Variants in NELL1 observed in about 807,000 individuals in gnomAD.
NELL1 encodes neural EGFL like 1, also known as protein kinase C-binding protein NELL1.
Under a neutral mutation model 107.4 loss-of-function variants are expected in NELL1, and 76 were observed. The ratio of observed to expected loss-of-function variants is 0.71; its 90% CI spans 0.59 to 0.86. NELL1 has a LOEUF of 0.86. Ranked by LOEUF, NELL1 falls within the 40% of genes least tolerant of loss-of-function variation. NELL1 has a pLI of 0.00. For missense variants in NELL1, 1,024 were observed against 1,005.5 expected, an observed-to-expected ratio of 1.02 and a Z score of -0.25; for synonymous variants, 353 against 341.2, an observed-to-expected ratio of 1.03 and a Z score of -0.38.
chr11:20,774,942 T>A (rs1260596231), intron 2 of NELL1, among the ~76,000 whole-genome samples: 1 of 151,882 alleles, frequency 6.6e-6, no homozygotes, highest in Non-Finnish European at 1.5e-5. Flanking sequence ...GGTCAGTTAT[T>A]GCCAAAAAAA....
intron 16 of NELL1, among the ~76,000 whole-genome samples, chr11:21,558,593 C>G (rs1389223872): frequency 6.6e-6 from 1 of 151,836 alleles, no homozygotes; most frequent in African/African-American, 2.4e-5. Flanking sequence ...CAAGAGATAA[C>G]AATTGCAGTA....
At chr11:21,232,217 C>A in intron 14 of NELL1, among the ~76,000 whole-genome samples, 1 of 145,536 alleles carries the variant, frequency 6.9e-6, no homozygotes. Flanking sequence ...GTAATCCCAG[C>A]TACTCGGGAG....
At chr11:21,503,585 T>C (rs991476094) in intron 15 of NELL1, among the ~76,000 whole-genome samples, 3 of 152,204 alleles carry the variant, frequency 2.0e-5, no homozygotes, top group African/African-American at 7.2e-5. Context: ...TACAATGATA[T>C]AGCATATACC....
chr11:21,400,207 C>T (rs12796542), intron 15 of NELL1, among the ~76,000 whole-genome samples: 23,538 of 151,676 alleles, frequency 0.16, 1,915 homozygotes, highest in South Asian at 0.2. Context: ...CTCTCTGATG[C>T]GTTTCCTACC....
rs1346019390 is a variant in NELL1 at position 21,113,795 on chromosome 11, T to A, written c.1426+81T>A. ...CTGTGTTATTATGTTTAATTCCTAGTGCACAAAGTACTATTTTTATCTAAA... is the reference window on the plus strand; with the variant it reads ...CTGTGTTATTATGTTTAATTCCTAGAGCACAAAGTACTATTTTTATCTAAA... On this transcript the variant is annotated intron_variant, in intron 13 of 19. Coordinates refer to ENST00000357134, the MANE Select transcript of NELL1 (RefSeq NM_006157.5). The A allele has an allele frequency of 4.2e-6, 6 of 1,417,996 alleles. No individual in the cohort carries two copies. In the East Asian group the frequency reaches 1.2e-4, roughly 28 times the overall value. 87.8% of individuals were successfully genotyped at this position (1,417,996 alleles called of 1,614,324 possible).
intron 14 of NELL1, among the ~76,000 whole-genome samples, chr11:21,320,388 G>A (rs1849982714): frequency 6.6e-6 from 1 of 152,164 alleles, no homozygotes. Flanking sequence ...ATAACATTGT[G>A]CATTTACATC....
At chr11:20,803,782 A>G (rs112565623) in intron 3 of NELL1, among the ~76,000 whole-genome samples, 2,989 of 152,264 alleles carry the variant, frequency 0.02, 102 homozygotes, top group African/African-American at 0.068. Flanking sequence ...GATTAACATT[A>G]GAGTCAGTGG....
At chr11:21,189,162 G>A (rs1856996902) in intron 13 of NELL1, among the ~76,000 whole-genome samples, 1 of 151,762 alleles carries the variant, frequency 6.6e-6, no homozygotes, top group African/African-American at 2.4e-5. Flanking sequence ...TTTTAATTAT[G>A]ATACAGTAAT....
intron 15 of NELL1, among the ~76,000 whole-genome samples, chr11:21,528,096 C>G (rs116980985): frequency 0.012 from 1,855 of 152,288 alleles, 41 homozygotes; most frequent in East Asian, 0.078. Flanking sequence ...TCATTTTACA[C>G]AGAAGGAACT....
At chr11:21,100,037 C>T (rs1028288655) in intron 12 of NELL1, among the ~76,000 whole-genome samples, 1 of 149,692 alleles carries the variant, frequency 6.7e-6, no homozygotes, top group African/African-American at 2.5e-5. Context: ...TTTTTTGAGA[C>T]ACAGAGTATT....
At position 20,993,552 on chromosome 11, in the gene NELL1, A is replaced by G. The variant is rs1359609619; in HGVS notation, c.1300+32992A>G. Among the ~76,000 whole-genome samples, 4 of 152,040 alleles carry G rather than the reference A, an allele frequency of 2.6e-5. No homozygotes were observed. In the East Asian group the frequency reaches 7.7e-4, roughly 29 times the overall value. ...ATTCATCCCTCAGTGTCTGTGGGGG[A>G]TTGGTTTCAGGACCCCCTCAAGGAC... On this transcript the variant is annotated intron_variant, in intron 12 of 19. Coordinates refer to ENST00000357134, the MANE Select transcript of NELL1 (RefSeq NM_006157.5).
At chr11:21,019,968 T>C (rs1176198376) in intron 12 of NELL1, among the ~76,000 whole-genome samples, 1 of 152,122 alleles carries the variant, frequency 6.6e-6, no homozygotes, top group Admixed American at 6.6e-5. Context: ...TTGCTAATAG[T>C]TAAGAATTTA....
At chr11:20,715,510 G>A (rs1380977115) in intron 2 of NELL1, among the ~76,000 whole-genome samples, 1 of 152,162 alleles carries the variant, frequency 6.6e-6, no homozygotes, top group African/African-American at 2.4e-5. Context: ...TGCCTGTGGA[G>A]CCTGTGGCTT....
At chr11:21,277,317 A>G (rs1590797029) in intron 14 of NELL1, among the ~76,000 whole-genome samples, 1 of 152,158 alleles carries the variant, frequency 6.6e-6, no homozygotes, top group Admixed American at 6.5e-5. Flanking sequence ...ATCACTGGCC[A>G]TCAGAGAAAT....
chr11:20,972,115 T>C (rs2134230845), intron 12 of NELL1, among the ~76,000 whole-genome samples: 1 of 152,120 alleles, frequency 6.6e-6, no homozygotes, highest in East Asian at 1.9e-4. Flanking sequence ...GGTTGATAAA[T>C]GCAGCAAACC....
At chr11:21,146,472 T>C (rs114168524) in intron 13 of NELL1, among the ~76,000 whole-genome samples, 170 of 152,282 alleles carry the variant, frequency 1.1e-3, no homozygotes, top group African/African-American at 3.8e-3. Context: ...GCTGTCATTA[T>C]AGTCGCCTTT....
At chr11:21,497,279 A>G (rs951196140) in intron 15 of NELL1, among the ~76,000 whole-genome samples, 1 of 152,126 alleles carries the variant, frequency 6.6e-6, no homozygotes, top group African/African-American at 2.4e-5. Flanking sequence ...CACGTTGTGC[A>G]CATGTACCCT....
At chr11:20,890,203 G>A (rs1282003197) in intron 5 of NELL1, among the ~76,000 whole-genome samples, 1 of 152,124 alleles carries the variant, frequency 6.6e-6, no homozygotes, top group African/African-American at 2.4e-5. Context: ...AGGCATGGGA[G>A]TGAAGCAGGT....
chr11:21,554,142 A>T (rs1348700981), intron 16 of NELL1, among the ~76,000 whole-genome samples: 1 of 151,818 alleles, frequency 6.6e-6, no homozygotes, highest in African/African-American at 2.4e-5. Flanking sequence ...AACTGTATTG[A>T]TTTTAAGCAG....
Sources: allele counts gnomAD v4.1 joint callset (sites outside exome capture counted in the v4.1 genomes callset), GRCh38; gene constraint gnomAD v4.1.1; transcripts MANE v1.5; gene names NCBI Gene and HGNC (gene_info 2026-07-23, HGNC 2026-07-21).